Variants in LRCH1 observed in about 807,000 individuals in gnomAD.
LRCH1 encodes the protein leucine rich repeats and calponin homology domain containing 1, also known as leucine-rich repeat and calponin homology domain-containing protein 1.
In LRCH1, 23 loss-of-function variants were observed where a neutral mutation model predicts 94.9. The observed-to-expected ratio is 0.24, with a 90% confidence interval of 0.17 to 0.34. The LOEUF (loss-of-function observed/expected upper bound fraction) is 0.34. Ranked by LOEUF, LRCH1 falls within the 10% of genes least tolerant of loss-of-function variation. LRCH1 has a pLI of 1.00. For missense variants in LRCH1, 790 were observed against 945.9 expected (o/e 0.84, Z 2.16); for synonymous variants, 364 against 354.9 (o/e 1.03, Z -0.29).
At chr13:46,598,631 G>A (rs1251326372) in intron 1 of LRCH1, among the ~76,000 whole-genome samples, 1 of 151,770 alleles carries the variant, frequency 6.6e-6, no homozygotes, top group African/African-American at 2.4e-5. Flanking sequence ...GCCTTGCTCT[G>A]GGTTTTGAGG....
intron 2 of LRCH1, among the ~76,000 whole-genome samples, chr13:46,652,071 T>TTG (rs1555278280): frequency 1.2e-5 from 1 of 86,318 alleles, no homozygotes; most frequent in South Asian, 3.5e-4. Flanking sequence ...TTTTTTTTTT[T>TTG]TTTTGTTTTG....
chr13:46,709,640 A>G (rs1236222837), intron 13 of LRCH1, among the ~76,000 whole-genome samples: 1 of 152,198 alleles, frequency 6.6e-6, no homozygotes, highest in Non-Finnish European at 1.5e-5. Flanking sequence ...CCTAGAAGAC[A>G]GAAAACCTCA....
chr13:46,560,938 A>G (rs542941707), intron 1 of LRCH1, among the ~76,000 whole-genome samples: 1 of 152,344 alleles, frequency 6.6e-6, no homozygotes, highest in East Asian at 1.9e-4. Flanking sequence ...GAGATTGTTT[A>G]CATGAATAGA....
chr13:46,555,422 C>G (rs992956071), intron 1 of LRCH1, among the ~76,000 whole-genome samples: 5 of 152,192 alleles, frequency 3.3e-5, no homozygotes, highest in African/African-American at 1.2e-4. Context: ...GGATTATTTA[C>G]AAAGTTAGGT....
intron 17 of LRCH1, among the ~76,000 whole-genome samples, chr13:46,727,008 A>G (rs1366231162): frequency 1.3e-5 from 2 of 152,334 alleles, no homozygotes; most frequent in African/African-American, 4.8e-5. Flanking sequence ...CTGTAGGCAA[A>G]AAAGACAATC....
Position 46,689,181 on chromosome 13 carries a change from A to G in LRCH1, c.999A>G (p.Arg333=). Residue 333 remains arginine, a synonymous_variant, in exon 7 of 20, where the codon CGA becomes CGG. Coordinates refer to ENST00000389797, the MANE Select transcript of LRCH1 (RefSeq NM_001164211.2). ...TTGGAAGTGATAATGGAGATAAGCG[A>G]TTATCTGCCACCGAGGTAAAGTTAG... The part of the protein sequence containing the change: ...SGVGSDNGDK[R]LSATEPSDED... 1 of 1,611,204 alleles carries G rather than the reference A, an allele frequency of 6.2e-7. No homozygotes were observed.
chr13:46,592,200 A>G (rs2050507687), intron 1 of LRCH1, among the ~76,000 whole-genome samples: 1 of 152,132 alleles, frequency 6.6e-6, no homozygotes, highest in South Asian at 2.1e-4. Context: ...TGGTCTCCTG[A>G]CTTTGGATTG....
rs1424249828 is a variant in LRCH1, at chr13:46,649,025, G to A, written c.308-1176G>A. On this transcript the variant is annotated intron_variant, in intron 1 of 19. Coordinates refer to ENST00000389797, the MANE Select transcript of LRCH1 (RefSeq NM_001164211.2). Reference sequence around the variant, plus strand: ...TTATGTTCTTTGCAGGGACATGGATGAAGCTGGAAACCATCATTCTCAAAA... The same window carrying A: ...TTATGTTCTTTGCAGGGACATGGATAAAGCTGGAAACCATCATTCTCAAAA... Among the ~76,000 whole-genome samples, 9 of 152,302 alleles carry A rather than the reference G, an allele frequency of 5.9e-5. No homozygotes were observed. In the East Asian group the frequency reaches 1.7e-3, roughly 29 times the overall value.
Position 46,650,308 on chromosome 13 carries a change from A to G in LRCH1, c.415A>G (p.Ile139Val), listed in dbSNP as rs2051276086. ...CTGTATCAGAGTCATTCCTGAGGCC[A>G]TCGTTAATCTGCAGATGCTGACTTA... ...HNCIRVIPEA[I>V]VNLQMLTYLN... The change falls in exon 2 of 20, where the codon ATC (isoleucine) becomes GTC (valine). Residue 139 changes from isoleucine (I) to valine (V), a missense_variant. Ile to Val is a conservative substitution (Grantham distance 29, BLOSUM62 3). Coordinates refer to ENST00000389797, the MANE Select transcript of LRCH1 (RefSeq NM_001164211.2). The G allele has an allele frequency of 6.2e-7, 1 of 1,606,234 alleles. No individual in the cohort carries two copies. The highest frequency in any genetic ancestry group is 1.3e-5 in the African/African-American group (1 of 74,596).
intron 18 of LRCH1, among the ~76,000 whole-genome samples, chr13:46,732,973 G>T (rs1873188452): frequency 6.6e-6 from 1 of 152,146 alleles, no homozygotes. Context: ...TCTGTTTTTG[G>T]CAGGGCTTTT....
chr13:46,597,445 C>T (rs530686355), intron 1 of LRCH1, among the ~76,000 whole-genome samples: 1 of 152,030 alleles, frequency 6.6e-6, no homozygotes, highest in South Asian at 2.1e-4. Flanking sequence ...CAACTTCCGC[C>T]TCCCGGGTTC....
intron 2 of LRCH1, among the ~76,000 whole-genome samples, chr13:46,656,365 C>T (rs1200398302): frequency 6.6e-6 from 1 of 152,196 alleles, no homozygotes; most frequent in Non-Finnish European, 1.5e-5. Context: ...TTGATGATGT[C>T]TTCCTAAACT....
chr13:46,660,318 A>G (rs1176993049), intron 2 of LRCH1, among the ~76,000 whole-genome samples: 1 of 151,898 alleles, frequency 6.6e-6, no homozygotes, highest in Non-Finnish European at 1.5e-5. Flanking sequence ...CTGGCCTAGG[A>G]GTCAATAAGT....
chr13:46,620,973 T>A (rs2050873359), intron 1 of LRCH1, among the ~76,000 whole-genome samples: 1 of 152,212 alleles, frequency 6.6e-6, no homozygotes, highest in Non-Finnish European at 1.5e-5. Flanking sequence ...TCGTTGGCTC[T>A]TAGAACAGGG....
At chr13:46,626,090 TG>T (rs2050945656) in intron 1 of LRCH1, among the ~76,000 whole-genome samples, 1 of 152,232 alleles carries the variant, frequency 6.6e-6, no homozygotes, top group African/African-American at 2.4e-5. Context: ...CATGTTTTTA[TG>T]TTTCTTTTTA....
rs569700371 is a variant in LRCH1 at position 46,628,251 on chromosome 13, T to C, written c.308-21950T>C. ...TGATGGAAGGGGATGTAAGGAAGGATATGAGGCTGGTGAGTACTGGGAGAC... is the reference window on the plus strand; with the variant it reads ...TGATGGAAGGGGATGTAAGGAAGGACATGAGGCTGGTGAGTACTGGGAGAC... On this transcript the variant is annotated intron_variant, in intron 1 of 19. Coordinates refer to ENST00000389797, the MANE Select transcript of LRCH1 (RefSeq NM_001164211.2). 1.2e-4 allele frequency among the ~76,000 whole-genome samples: 18 copies of C among 152,088 alleles called. No homozygotes were observed. In the South Asian group the frequency reaches 2.9e-3, roughly 25 times the overall value.
At chr13:46,669,855 A>T (rs2051574157) in intron 3 of LRCH1, among the ~76,000 whole-genome samples, 1 of 152,242 alleles carries the variant, frequency 6.6e-6, no homozygotes, top group African/African-American at 2.4e-5. Flanking sequence ...GATAGTCTTC[A>T]TTTATCATCT....
chr13:46,561,171 G>T (rs138448435), intron 1 of LRCH1, among the ~76,000 whole-genome samples: 184 of 152,326 alleles, frequency 1.2e-3, no homozygotes, highest in African/African-American at 4.2e-3. Context: ...AGAAATTATT[G>T]CTTCTCTGTT....
At chr13:46,602,978 G>GCATGCATACATACATACATACATA (rs142972823) in intron 1 of LRCH1, among the ~76,000 whole-genome samples, 23 of 149,934 alleles carry the variant, frequency 1.5e-4, no homozygotes, top group Admixed American at 6.6e-4. Context: ...ATACATGCAT[G>GCATGCATACATACATACATACATA]CATACATACA....
Sources: allele counts gnomAD v4.1 joint callset (sites outside exome capture counted in the v4.1 genomes callset), GRCh38; gene constraint gnomAD v4.1.1; transcripts MANE v1.5; gene names NCBI Gene and HGNC (gene_info 2026-07-23, HGNC 2026-07-21).